The following FBXO42 variants were observed in gnomAD, a reference collection of about 807,000 sequenced individuals.
FBXO42 encodes the protein F-box only protein 42.
In FBXO42, 12 loss-of-function variants were observed where a neutral mutation model predicts 71.7. The ratio of observed to expected loss-of-function variants is 0.17; its 90% CI spans 0.11 to 0.27. The LOEUF (loss-of-function observed/expected upper bound fraction) is 0.27. Among genes scored for constraint, FBXO42 ranks in the 10% least tolerant of loss-of-function variants. FBXO42 has a pLI of 1.00. For synonymous variants in FBXO42, 325 were observed against 327.5 expected, an observed-to-expected ratio of 0.99 and a Z score of 0.08; for missense variants, 707 against 911.9, an observed-to-expected ratio of 0.78 and a Z score of 2.89.
chr1:16,291,872 A>G (rs967183631), intron 4 of FBXO42, among the ~76,000 whole-genome samples: 3 of 152,122 alleles, frequency 2.0e-5, no homozygotes, highest in African/African-American at 7.2e-5. Context: ...GGGTCTCACT[A>G]TGTTACCCAG....
At chr1:16,309,952 T>C (rs965162680) in intron 2 of FBXO42, among the ~76,000 whole-genome samples, 2 of 151,920 alleles carry the variant, frequency 1.3e-5, no homozygotes, top group African/African-American at 4.8e-5. Flanking sequence ...TCCCAGCACT[T>C]TGGGAGGCCA....
At chr1:16,332,417 T>A (rs1360318577) in intron 1 of FBXO42, among the ~76,000 whole-genome samples, 1 of 152,200 alleles carries the variant, frequency 6.6e-6, no homozygotes, top group Admixed American at 6.6e-5. Context: ...ATTAAAAGAT[T>A]TAATAAATGA....
At chr1:16,295,870 G>A (rs1000042450) in intron 3 of FBXO42, among the ~76,000 whole-genome samples, 4 of 152,262 alleles carry the variant, frequency 2.6e-5, no homozygotes, top group Non-Finnish European at 4.4e-5. Flanking sequence ...GATTGAAAAA[G>A]CATGGAAATC....
rs187099294 is a variant in FBXO42 at position 16,278,409 on chromosome 1, T to C, written c.502+16374A>G. Among the ~76,000 whole-genome samples the C allele has an allele frequency of 1.7e-4, 26 of 152,098 alleles. No homozygotes were observed. The East Asian group carries it at 4.6e-3, about 27-fold the overall frequency. ...AAAAAACCACATCCAGCTGTTTCAA[T>C]GTTAGCACCGACGTTTGGGACCTGA... On this transcript the variant is annotated intron_variant, in intron 4 of 9. Coordinates refer to ENST00000375592, the MANE Select transcript of FBXO42 (RefSeq NM_018994.3).
At chr1:16,304,614 TC>T (rs1396858552) in intron 3 of FBXO42, among the ~76,000 whole-genome samples, 1 of 152,124 alleles carries the variant, frequency 6.6e-6, no homozygotes, top group Non-Finnish European at 1.5e-5. Context: ...TTAGATAATG[TC>T]AGATGTTTAA....
At position 16,299,313 on chromosome 1, in the gene FBXO42, C is replaced by T. The variant is rs182637701; in HGVS notation, c.368-4396G>A. 3.3e-3 allele frequency among the ~76,000 whole-genome samples: 498 copies of T among 152,118 alleles called. 1 individual carries two copies. Among genetic ancestry groups the T allele is most frequent in the Non-Finnish European group, 5.4e-3 (369 of 67,964 alleles). ...GGCACGAGCCACCGCACCCAGCCCA[C>T]ATTTTTCTTCTCTATTTGGACTGAA... On this transcript the variant is annotated intron_variant, in intron 3 of 9. Transcript: ENST00000375592.
At chr1:16,305,996 T>A in intron 2 of FBXO42, 77 bp from the exon 3 acceptor site, 1 of 995,956 alleles carries the variant, frequency 1.0e-6, no homozygotes, top group East Asian at 2.4e-5. Context: ...GTCTATTACC[T>A]GTTTTTATCA....
chr1:16,269,829 CT>C (rs1457668316), intron 4 of FBXO42, among the ~76,000 whole-genome samples: 1 of 146,810 alleles, frequency 6.8e-6, no homozygotes, highest in African/African-American at 2.5e-5. Context: ...CTGGCCTATT[CT>C]TTATGTTTTC....
At chr1:16,326,396 T>C (rs1321030606) in intron 1 of FBXO42, among the ~76,000 whole-genome samples, 2 of 151,122 alleles carry the variant, frequency 1.3e-5, no homozygotes, top group Non-Finnish European at 3.0e-5. Flanking sequence ...TAAAATTTCT[T>C]CTTGAGGCCA....
At chr1:16,337,806 C>T (rs1198388465) in intron 1 of FBXO42, among the ~76,000 whole-genome samples, 1 of 130,096 alleles carries the variant, frequency 7.7e-6, no homozygotes, top group Non-Finnish European at 1.6e-5. Flanking sequence ...ATTGCTTGAA[C>T]CCAGGAGGCA....
chr1:16,318,360 G>A (rs1163488794), intron 1 of FBXO42, among the ~76,000 whole-genome samples: 1 of 152,192 alleles, frequency 6.6e-6, no homozygotes, highest in Non-Finnish European at 1.5e-5. Flanking sequence ...AGACGTTGCA[G>A]TGAGCTGAGG....
chr1:16,332,498 G>C (rs926225124), intron 1 of FBXO42, among the ~76,000 whole-genome samples: 7 of 151,428 alleles, frequency 4.6e-5, no homozygotes, highest in Non-Finnish European at 8.8e-5. Context: ...ATCTTACTTG[G>C]TTTAACTACT....
At chr1:16,350,689 G>A (rs545352910) in intron 1 of FBXO42, among the ~76,000 whole-genome samples, 1 of 141,174 alleles carries the variant, frequency 7.1e-6, no homozygotes, top group African/African-American at 2.6e-5. Flanking sequence ...GGAGATTGCA[G>A]AGAGCCGAGA....
intron 1 of FBXO42, among the ~76,000 whole-genome samples, chr1:16,339,115 TTA>T (rs2082580049): frequency 6.6e-6 from 1 of 150,874 alleles, no homozygotes; most frequent in African/African-American, 2.4e-5. Context: ...CAGCGGTCAT[TTA>T]TCTTTTTTCT....
Position 16,251,374 on chromosome 1 carries a change from G to A in FBXO42, c.1450C>T (p.Pro484Ser). Residue 484 changes from proline (P) to serine (S), a missense_variant, in exon 10 of 10, where the codon CCC (proline) becomes TCC (serine). Pro to Ser is a moderately conservative substitution (Grantham distance 74). Around this residue, in one of 5 missense-constraint regions of FBXO42, gnomAD observed 482 missense variants for 587.1 expected, o/e 0.82. Coordinates refer to ENST00000375592, the MANE Select transcript of FBXO42 (RefSeq NM_018994.3). The surrounding 1 kb of genome is among the most constrained non-coding windows in gnomAD (Gnocchi z 4.5). ...YDLKIGLSLA[P>S]RRGSLPDQKD... ...TGATCTGGTAGTGATCCTCGTCGGG[G>A]GGCCAAAGAAAGTCCTATTTTCAGG... 1 of 1,614,146 alleles carries A rather than the reference G, an allele frequency of 6.2e-7. No homozygotes were observed. The highest frequency in any genetic ancestry group is 8.5e-7 in the Non-Finnish European group (1 of 1,180,030).
chr1:16,261,049 GCATACAGATA>G (rs1204839488), intron 4 of FBXO42, among the ~76,000 whole-genome samples: 3 of 152,178 alleles, frequency 2.0e-5, no homozygotes, highest in African/African-American at 7.2e-5. Flanking sequence ...TGCACTTCAT[GCATACAGATA>G]CATTCCTTCT....
chr1:16,276,146 C>A (rs1214579724), intron 4 of FBXO42, among the ~76,000 whole-genome samples: 1 of 151,916 alleles, frequency 6.6e-6, no homozygotes. Context: ...CTTTGGGAGG[C>A]CGAGGTGGGT....
At chr1:16,283,996 T>A (rs2100508392) in intron 4 of FBXO42, among the ~76,000 whole-genome samples, 1 of 152,284 alleles carries the variant, frequency 6.6e-6, no homozygotes, top group African/African-American at 2.4e-5. Flanking sequence ...CCAAAATCAG[T>A]CTGAGTTTGA....
chr1:16,316,070 T>G (rs1257631092), intron 1 of FBXO42, among the ~76,000 whole-genome samples: 2 of 148,910 alleles, frequency 1.3e-5, no homozygotes, highest in African/African-American at 5.0e-5. Flanking sequence ...CTCGGGAGGC[T>G]GAGGCAGGAG....
Sources: allele counts gnomAD v4.1 joint callset (sites outside exome capture counted in the v4.1 genomes callset), GRCh38; gene constraint gnomAD v4.1.1; regional missense constraint gnomAD v4.1.1; non-coding constraint Gnocchi (gnomAD v3.1); transcripts MANE v1.5; gene names NCBI Gene and HGNC (gene_info 2026-07-23, HGNC 2026-07-21).